CAMKK1: variants seen among roughly 807,000 people sequenced by gnomAD.
CAMKK1 encodes the protein calcium/calmodulin dependent protein kinase kinase 1.
CAMKK1 carries 20 observed loss-of-function variants against 63.5 expected under a neutral mutation model. The ratio of observed to expected loss-of-function variants is 0.32; its 90% CI spans 0.22 to 0.46. The LOEUF is 0.46. Among genes scored for constraint, CAMKK1 ranks in the 20% least tolerant of loss-of-function variants. The pLI is 1.00. For missense variants in CAMKK1, 588 were observed against 658.1 expected, an observed-to-expected ratio of 0.89 and a Z score of 1.17; for synonymous variants, 253 against 269.0, an observed-to-expected ratio of 0.94 and a Z score of 0.58.
At chr17:3,871,379 G>C (rs1266745140) in intron 12 of CAMKK1, among the ~76,000 whole-genome samples, 1 of 94,252 alleles carries the variant, frequency 1.1e-5, no homozygotes, top group Non-Finnish European at 1.9e-5. Flanking sequence ...TTTTGAGACA[G>C]AGTCTCGCTC....
At position 3,883,435 on chromosome 17, in the gene CAMKK1, A is replaced by G; in HGVS notation, c.508T>C (p.Phe170Leu). The change falls in exon 5 of 16, where the codon TTT becomes CTT. Residue 170 changes from phenylalanine (F) to leucine (L), a missense_variant. This residue lies in a region of CAMKK1 where 357 missense variants were observed against 407.4 expected (regional missense o/e 0.88). Transcript: ENST00000348335. This position sits in a 1 kb window ranked among gnomAD's most constrained non-coding sequence, Gnocchi z 4.7. ...SKKKLLKQYG[F>L]PRRPPPRGSQ... ...AGGATCAGAAGATACATACGTGGAAAGCCATACTGCTTCAGTAACTTCTTT... is the reference window on the plus strand; with the variant it reads ...AGGATCAGAAGATACATACGTGGAAGGCCATACTGCTTCAGTAACTTCTTT... 1 of 1,613,820 alleles carries G rather than the reference A, an allele frequency of 6.2e-7. No homozygotes were observed. The highest frequency in any genetic ancestry group is 8.5e-7 in the Non-Finnish European group (1 of 1,179,696).
intron 12 of CAMKK1, among the ~76,000 whole-genome samples, chr17:3,870,516 C>T (rs569488957): frequency 5.8e-4 from 88 of 152,250 alleles, no homozygotes; most frequent in African/African-American, 2.1e-3. Context: ...CAGGTGCCCG[C>T]CACCGTGCCC....
At chr17:3,863,231 C>T (rs989756786) in intron 15 of CAMKK1, among the ~76,000 whole-genome samples, 1 of 152,194 alleles carries the variant, frequency 6.6e-6, no homozygotes, top group Non-Finnish European at 1.5e-5. Context: ...CACAGTGGCT[C>T]ACGCCTGTAA....
chr17:3,873,501 C>T (rs765501244), intron 10 of CAMKK1, 39 bp from the exon 11 acceptor site: 85 of 1,607,174 alleles, frequency 5.3e-5, no homozygotes, highest in Non-Finnish European at 6.4e-5. Flanking sequence ...CCAACAGGCA[C>T]AGCCACCTCT....
At chr17:3,863,996 A>T (rs2054414895) in intron 15 of CAMKK1, among the ~76,000 whole-genome samples, 2 of 150,954 alleles carry the variant, frequency 1.3e-5, no homozygotes, top group African/African-American at 4.9e-5. Context: ...TCTGTCACCC[A>T]GGCTGGAGTA....
chr17:3,888,689 G>T (rs1446900298), intron 1 of CAMKK1, among the ~76,000 whole-genome samples: 1 of 152,340 alleles, frequency 6.6e-6, no homozygotes, highest in African/African-American at 2.4e-5. Flanking sequence ...GCGGGCGGGC[G>T]GAAGGCGGCC....
In CAMKK1 at chr17:3,883,485, G is replaced by A. The variant is rs1281999431; in HGVS notation, c.463-5C>T. 1.2e-6 allele frequency: 2 copies of A among 1,612,296 alleles called. No homozygotes were observed. Among genetic ancestry groups the A allele is most frequent in the Non-Finnish European group, 1.7e-6 (2 of 1,178,446 alleles). ...TTTGGAAAGGACTTTCATTGCCTAAGGAAGGAGGGACAGAAATGTCACTAC... is the reference window on the plus strand; with the variant it reads ...TTTGGAAAGGACTTTCATTGCCTAAAGAAGGAGGGACAGAAATGTCACTAC... On this transcript the variant is annotated splice_region_variant and splice_polypyrimidine_tract_variant and intron_variant, in intron 4 of 15. Coordinates refer to ENST00000348335, the MANE Select transcript of CAMKK1 (RefSeq NM_032294.3). The surrounding 1 kb of genome is among the most constrained non-coding windows in gnomAD (Gnocchi z 4.7).
intron 12 of CAMKK1, among the ~76,000 whole-genome samples, chr17:3,870,240 C>T (rs2054780563): frequency 6.6e-6 from 1 of 152,070 alleles, no homozygotes; most frequent in African/African-American, 2.4e-5. Flanking sequence ...GAAACTGAGG[C>T]CCAGGGAGGT....
chr17:3,883,631 G>T lies in CAMKK1; in HGVS notation c.463-151C>A. On this transcript the variant is annotated intron_variant, in intron 4 of 15. Transcript: ENST00000348335. This position sits in a 1 kb window ranked among gnomAD's most constrained non-coding sequence, Gnocchi z 4.7. ...CAGGTAAGTGTTAAGCGGGGTTGGG[G>T]GTGGCCATATCTGAGCCTAGCCCTT... The T allele has an allele frequency of 1.3e-6, 1 of 788,658 alleles. No individual in the cohort carries two copies. Among genetic ancestry groups the T allele is most frequent in the Non-Finnish European group, 2.2e-6 (1 of 455,144 alleles). The allele number at this position is 788,658 out of a possible 1,614,324, so 48.9% of individuals were successfully genotyped here.
At position 3,887,930 on chromosome 17, in the gene CAMKK1, A is replaced by T. The variant is rs1296807123; in HGVS notation, c.-43-2200T>A. ...TCCCGAATGTAAGTTTCATGAGATT[A>T]GGACGCTCATCTGCCTTGTCTCCAA... On this transcript the variant is annotated intron_variant, in intron 1 of 15. Transcript: ENST00000348335. The surrounding 1 kb of genome is among the most constrained non-coding windows in gnomAD (Gnocchi z 6.1). 1.3e-5 allele frequency among the ~76,000 whole-genome samples: 2 copies of T among 152,126 alleles called. No homozygotes were observed. The highest frequency in any genetic ancestry group is 1.5e-5 in the Non-Finnish European group (1 of 68,004).
intron 12 of CAMKK1, among the ~76,000 whole-genome samples, chr17:3,871,340 T>C (rs1396594085): frequency 2.5e-5 from 2 of 79,028 alleles, no homozygotes; most frequent in Non-Finnish European, 4.7e-5. Context: ...TTTGTTTTTT[T>C]TTTTTTGTTT....
At position 3,889,226 on chromosome 17, in the gene CAMKK1, A is replaced by G. The variant is rs1404862182; in HGVS notation, c.-43-3496T>C. On this transcript the variant is annotated intron_variant, in intron 1 of 15. Transcript: ENST00000348335. The surrounding 1 kb of genome is among the most constrained non-coding windows in gnomAD (Gnocchi z 5.2). Reference sequence around the variant, plus strand: ...TGGAGGCTCACACAGGGGGTGTCTCAAGGCCCTTCCCAAGCTCAGGCCTTA... The same window carrying G: ...TGGAGGCTCACACAGGGGGTGTCTCGAGGCCCTTCCCAAGCTCAGGCCTTA... Among the ~76,000 whole-genome samples, 1 of 152,010 alleles carries G rather than the reference A, an allele frequency of 6.6e-6. No homozygotes were observed. Among genetic ancestry groups the G allele is most frequent in the Non-Finnish European group, 1.5e-5 (1 of 67,984 alleles).
In CAMKK1 at chr17:3,869,867, G is replaced by C; in HGVS notation, c.1146C>G (p.Leu382=). Residue 382 remains leucine (L), a synonymous_variant, in exon 13 of 16, where the codon CTC becomes CTG. Coordinates refer to ENST00000348335, the MANE Select transcript of CAMKK1 (RefSeq NM_032294.3). ...CTAACATCTTCAGGATCAGGTCCTT[G>C]AGCTCCTCGCTGATTTCTGGCCTGG... ...FPEEPEISEE[L]KDLILKMLDK... is the part of the protein sequence containing the mutation. The C allele has an allele frequency of 6.2e-7, 1 of 1,614,230 alleles. No individual in the cohort carries two copies. The highest frequency in any genetic ancestry group is 1.1e-5 in the South Asian group (1 of 91,086).
intron 14 of CAMKK1, among the ~76,000 whole-genome samples, chr17:3,869,094 G>A (rs1026415632): frequency 9.3e-5 from 14 of 150,378 alleles, no homozygotes; most frequent in Admixed American, 4.0e-4. Flanking sequence ...TCAGCCTCCC[G>A]AGTAGCTGGG....
At chr17:3,863,078 T>C (rs930404288) in intron 15 of CAMKK1, among the ~76,000 whole-genome samples, 2 of 152,284 alleles carry the variant, frequency 1.3e-5, no homozygotes, top group Non-Finnish European at 2.9e-5. Flanking sequence ...AACAGATTTC[T>C]ATATCTAGTT....
rs2055696382 is a variant in CAMKK1, at chr17:3,887,332, GC to G, written c.-43-1603del. 6.6e-6 allele frequency among the ~76,000 whole-genome samples: 1 copy of G among 152,344 alleles called. No homozygotes were observed. The highest frequency in any genetic ancestry group is 1.9e-4 in the East Asian group (1 of 5,188). On this transcript the variant is annotated intron_variant, in intron 1 of 15. Transcript: ENST00000348335. This position sits in a 1 kb window ranked among gnomAD's most constrained non-coding sequence, Gnocchi z 6.1. ...TACGCAGTGTGTTGAATGAGTAGAA[GC>G]CTGGAGGCGGTGGGGCTGGTGCTGA...
Position 3,890,769 on chromosome 17 carries a change from T to C in CAMKK1, c.-44+2170A>G, listed in dbSNP as rs1485593310. 2 of 779,802 alleles carry C rather than the reference T, an allele frequency of 2.6e-6. No individual in the cohort carries two copies. Among genetic ancestry groups the C allele is most frequent in the Admixed American group, 3.4e-5 (2 of 59,036 alleles). 48.3% of individuals were successfully genotyped at this position (779,802 alleles called of 1,614,324 possible). On this transcript the variant is annotated intron_variant, in intron 1 of 15. Transcript: ENST00000348335. This position sits in a 1 kb window ranked among gnomAD's most constrained non-coding sequence, Gnocchi z 6.5. ...GCCAGGCCTCAGTACAAGCTGTGCCTTCTGCCAGGAACACACCTCCCTCTC... is the reference window on the plus strand; with the variant it reads ...GCCAGGCCTCAGTACAAGCTGTGCCCTCTGCCAGGAACACACCTCCCTCTC...
chr17:3,891,232 A>G (rs1019612061), intron 1 of CAMKK1, among the ~76,000 whole-genome samples: 2 of 152,166 alleles, frequency 1.3e-5, no homozygotes, highest in Non-Finnish European at 2.9e-5. Flanking sequence ...GAGATACAGC[A>G]GTGAACCAAA....
intron 14 of CAMKK1, 143 bp downstream of exon 14, chr17:3,869,344 C>T: frequency 8.8e-7 from 1 of 1,134,256 alleles, no homozygotes; most frequent in Admixed American, 2.6e-5. Flanking sequence ...CATGGGCCTC[C>T]AGCAGAATGG....
Sources: allele counts gnomAD v4.1 joint callset (sites outside exome capture counted in the v4.1 genomes callset), GRCh38; gene constraint gnomAD v4.1.1; regional missense constraint gnomAD v4.1.1; non-coding constraint Gnocchi (gnomAD v3.1); transcripts MANE v1.5; gene names NCBI Gene and HGNC (gene_info 2026-07-23, HGNC 2026-07-21).